Variants in OVOL2 observed in about 807,000 individuals in gnomAD.
OVOL2 encodes the protein ovo like zinc finger 2.
OVOL2 carries 13 observed loss-of-function variants against 18.1 expected under a neutral mutation model. The ratio of observed to expected loss-of-function variants is 0.72; its 90% CI spans 0.47 to 1.14. The LOEUF is 1.14. Ranked by LOEUF, OVOL2 falls within the 50% of genes most tolerant of loss-of-function variation. The probability of loss-of-function intolerance (pLI) is 0.00; values close to 1 mark genes in which losing one functional copy is unlikely to be tolerated. For missense variants in OVOL2, 335 were observed against 383.0 expected, an observed-to-expected ratio of 0.87 and a Z score of 1.05; for synonymous variants, 166 against 162.7, an observed-to-expected ratio of 1.02 and a Z score of -0.16.
At chr20:18,030,869 G>C (rs2036562790) in intron 3 of OVOL2, among the ~76,000 whole-genome samples, 1 of 152,268 alleles carries the variant, frequency 6.6e-6, no homozygotes, top group African/African-American at 2.4e-5. Context: ...ATTCACTGGT[G>C]CGGGCACTGC....
At chr20:18,050,626 TTTAA>T (rs1341457138) in intron 2 of OVOL2, 8 of 152,186 alleles carry the variant, frequency 5.3e-5, no homozygotes, top group African/African-American at 1.7e-4. Flanking sequence ...TTTTCCCCCT[TTTAA>T]TTAATTTAAC....
At chr20:18,044,343 G>A (rs1195355997) in intron 2 of OVOL2, among the ~76,000 whole-genome samples, 1 of 152,116 alleles carries the variant, frequency 6.6e-6, no homozygotes, top group African/African-American at 2.4e-5. Flanking sequence ...AACACTTTGA[G>A]GATGGTCAGC....
intron 2 of OVOL2, among the ~76,000 whole-genome samples, chr20:18,044,206 C>G (rs1450929122): frequency 6.6e-6 from 1 of 152,206 alleles, no homozygotes; most frequent in Non-Finnish European, 1.5e-5. Flanking sequence ...TGCTGCATTT[C>G]TAACCAGAGC....
intron 3 of OVOL2, among the ~76,000 whole-genome samples, chr20:18,026,246 CTATT>C: frequency 6.6e-6 from 1 of 152,310 alleles, no homozygotes; most frequent in Non-Finnish European, 1.5e-5. Context: ...GTGCAACAGA[CTATT>C]TAGATGAGCT....
At chr20:18,053,957 G>A (rs2036794019) in intron 2 of OVOL2, among the ~76,000 whole-genome samples, 1 of 152,072 alleles carries the variant, frequency 6.6e-6, no homozygotes, top group Admixed American at 6.6e-5. Flanking sequence ...ACTGCCCTCA[G>A]GCCCACCCGC....
At chr20:18,041,432 A>T in intron 3 of OVOL2, 102 bp downstream of exon 3, 2 of 1,360,754 alleles carry the variant, frequency 1.5e-6, no homozygotes, top group Non-Finnish European at 2.0e-6. Flanking sequence ...CTAGAAACAC[A>T]ACATTGTTCC....
Position 18,054,752 on chromosome 20 carries a change from G to C in OVOL2, c.321+1905C>G, listed in dbSNP as rs1387859265. 1.7e-4 allele frequency among the ~76,000 whole-genome samples: 20 copies of C among 119,792 alleles called. No homozygotes were observed. In the South Asian group the frequency reaches 1.9e-3, roughly 12 times the overall value. The allele number at this position is 119,792 out of a possible 152,430, so 78.6% of individuals were successfully genotyped here. On this transcript the variant is annotated intron_variant, in intron 2 of 3. Coordinates refer to ENST00000278780, the MANE Select transcript of OVOL2 (RefSeq NM_021220.4). Reference sequence around the variant, plus strand: ...TTGCACTCCAGCCTGGGCAACAACAGCGAAACTCCATCTCAAAAAAAAAAA... The same window carrying C: ...TTGCACTCCAGCCTGGGCAACAACACCGAAACTCCATCTCAAAAAAAAAAA...
At chr20:18,048,045 T>C (rs1015612834) in intron 2 of OVOL2, among the ~76,000 whole-genome samples, 1 of 150,978 alleles carries the variant, frequency 6.6e-6, no homozygotes, top group Non-Finnish European at 1.5e-5. Context: ...CCCAGCACTT[T>C]GGGAGGCTGA....
intron 3 of OVOL2, 120 bp from the exon 4 acceptor site, chr20:18,025,072 G>T: frequency 8.4e-7 from 1 of 1,195,760 alleles, no homozygotes. Context: ...GAGGACAATG[G>T]TTACAGCAGG....
chr20:18,032,175 G>A (rs986139797), intron 3 of OVOL2, among the ~76,000 whole-genome samples: 3 of 151,888 alleles, frequency 2.0e-5, no homozygotes, highest in Non-Finnish European at 4.4e-5. Flanking sequence ...TATACTCATG[G>A]TAGGATTGCC....
At chr20:18,035,045 A>C (rs1490435997) in intron 3 of OVOL2, among the ~76,000 whole-genome samples, 18 of 152,166 alleles carry the variant, frequency 1.2e-4, no homozygotes, top group Admixed American at 1.2e-3. Flanking sequence ...CCCCTCATTT[A>C]ACTATCTGTC....
In OVOL2 at chr20:18,057,769, C is replaced by G. The variant is rs556190598; in HGVS notation, c.-135G>C. ...CCTCGCCTGCCCTCTTCCTCCACCC[C>G]CCGCCGCGGCGCGGCCCAGGCCTCT... On this transcript the variant is annotated 5_prime_UTR_variant, in exon 1 of 4. Coordinates refer to ENST00000278780, the MANE Select transcript of OVOL2 (RefSeq NM_021220.4). The surrounding 1 kb of genome is among the most constrained non-coding windows in gnomAD (Gnocchi z 6.3). 1.6e-5 allele frequency: 22 copies of G among 1,410,154 alleles called. No individual in the cohort carries two copies. In the East Asian group the frequency reaches 4.0e-4, roughly 25 times the overall value. The allele number at this position is 1,410,154 out of a possible 1,614,324, so 87.4% of individuals were successfully genotyped here.
At chr20:18,035,683 G>A (rs187522519) in intron 3 of OVOL2, among the ~76,000 whole-genome samples, 10 of 152,244 alleles carry the variant, frequency 6.6e-5, no homozygotes, top group Non-Finnish European at 1.3e-4. Context: ...GGAAGCCCCC[G>A]GCTGCTCTTT....
chr20:18,028,918 A>G (rs1201131202), intron 3 of OVOL2, among the ~76,000 whole-genome samples: 3 of 152,162 alleles, frequency 2.0e-5, no homozygotes, highest in Non-Finnish European at 4.4e-5. Flanking sequence ...AAAAAAATAA[A>G]ACAGAAAAGA....
At position 18,057,405 on chromosome 20, in the gene OVOL2, C is replaced by G. The variant is rs1056636151; in HGVS notation, c.100+130G>C. ...TGCCTGCCCTAACCCGCCTAGAAGA[C>G]CCCCGCGTGCCCCCCGGAAGAGGGG... On this transcript the variant is annotated intron_variant, in intron 1 of 3. Coordinates refer to ENST00000278780, the MANE Select transcript of OVOL2 (RefSeq NM_021220.4). This position sits in a 1 kb window ranked among gnomAD's most constrained non-coding sequence, Gnocchi z 6.3. 14 of 1,089,018 alleles carry G rather than the reference C, an allele frequency of 1.3e-5. No individual in the cohort carries two copies. Among genetic ancestry groups the G allele is most frequent in the Non-Finnish European group, 1.8e-5 (14 of 767,990 alleles). The allele number at this position is 1,089,018 out of a possible 1,614,324, so 67.5% of individuals were successfully genotyped here.
In OVOL2 at chr20:18,048,333, C is replaced by T. The variant is rs181064119; in HGVS notation, c.322-6610G>A. ...TCCCAATTTGCTTTTGAATTTTTCT[C>T]TCTTTGATGGAAGAAAAGGGGAACT... On this transcript the variant is annotated intron_variant, in intron 2 of 3. Transcript: ENST00000278780. Among the ~76,000 whole-genome samples, 236 of 152,156 alleles carry T rather than the reference C, an allele frequency of 1.6e-3. 2 individuals carry two copies. Among genetic ancestry groups the T allele is most frequent in the Non-Finnish European group, 2.6e-3 (176 of 67,992 alleles).
At position 18,055,987 on chromosome 20, in the gene OVOL2, T is replaced by C. The variant is rs1440180141; in HGVS notation, c.321+670A>G. ...TCGAGGGGGCCCCGAGGCGCGACCATAGATGGGAGGAAACACTCCAATCCA... is the reference window on the plus strand; with the variant it reads ...TCGAGGGGGCCCCGAGGCGCGACCACAGATGGGAGGAAACACTCCAATCCA... On this transcript the variant is annotated intron_variant, in intron 2 of 3. Coordinates refer to ENST00000278780, the MANE Select transcript of OVOL2 (RefSeq NM_021220.4). 1.1e-4 allele frequency among the ~76,000 whole-genome samples: 16 copies of C among 152,190 alleles called. No individual in the cohort carries two copies. The East Asian group carries it at 2.7e-3, about 26-fold the overall frequency.
rs554369723 is a variant in OVOL2 at position 18,056,925 on chromosome 20, C to T, written c.101-48G>A. On this transcript the variant is annotated intron_variant, in intron 1 of 3. Transcript: ENST00000278780. This position sits in a 1 kb window ranked among gnomAD's most constrained non-coding sequence, Gnocchi z 4.2. ...CCGACACACACACTCGGCGTCAACCCGCACGCCCGCGGCAGTTTGACCTGC... is the reference window on the plus strand; with the variant it reads ...CCGACACACACACTCGGCGTCAACCTGCACGCCCGCGGCAGTTTGACCTGC... 2.4e-5 allele frequency: 35 copies of T among 1,436,912 alleles called. No individual in the cohort carries two copies. The highest frequency in any genetic ancestry group is 3.1e-5 in the Non-Finnish European group (34 of 1,103,940). The allele number at this position is 1,436,912 out of a possible 1,614,324, so 89.0% of individuals were successfully genotyped here. A position where few individuals can be genotyped will look rare whatever the true frequency, so the allele number is the denominator to read the frequency against.
intron 2 of OVOL2, among the ~76,000 whole-genome samples, chr20:18,054,866 T>C (rs768822320): frequency 1.8e-4 from 27 of 152,020 alleles, no homozygotes; most frequent in Non-Finnish European, 3.5e-4. Context: ...TTTATAATTA[T>C]ACAACGTGCT....
Sources: allele counts gnomAD v4.1 joint callset (sites outside exome capture counted in the v4.1 genomes callset), GRCh38; gene constraint gnomAD v4.1.1; non-coding constraint Gnocchi (gnomAD v3.1); transcripts MANE v1.5; gene names NCBI Gene and HGNC (gene_info 2026-07-23, HGNC 2026-07-21).